Variants in NME7 observed in about 807,000 individuals in gnomAD.
The protein encoded by NME7 is nucleoside diphosphate kinase 7.
In NME7, 41 loss-of-function variants were observed where a neutral mutation model predicts 49.1. The ratio of observed to expected loss-of-function variants is 0.83; its 90% CI spans 0.65 to 1.08. NME7 has a LOEUF of 1.08. Ranked by LOEUF, NME7 falls within the 50% of genes least tolerant of loss-of-function variation. The pLI, the probability that NME7 is intolerant of heterozygous loss-of-function variation, is 0.00. For synonymous variants in NME7, 139 were observed against 150.6 expected, an observed-to-expected ratio of 0.92 and a Z score of 0.56; for missense variants, 423 against 463.4, an observed-to-expected ratio of 0.91 and a Z score of 0.80.
chr1:169,279,179 T>A (rs1649889601), intron 7 of NME7, among the ~76,000 whole-genome samples: 1 of 152,172 alleles, frequency 6.6e-6, no homozygotes, highest in African/African-American at 2.4e-5. Flanking sequence ...TTCTCAGATC[T>A]CCCCCTGGGT....
At chr1:169,224,426 C>T (rs1046471314) in intron 10 of NME7, among the ~76,000 whole-genome samples, 6 of 152,132 alleles carry the variant, frequency 3.9e-5, no homozygotes, top group East Asian at 3.8e-4. Context: ...CCTCATCTTA[C>T]GCTAAGCTGT....
chr1:169,160,569 A>G (rs1659215348), intron 11 of NME7, among the ~76,000 whole-genome samples: 1 of 152,136 alleles, frequency 6.6e-6, no homozygotes, highest in Non-Finnish European at 1.5e-5. Flanking sequence ...CAAATACATT[A>G]ATATTTTTAC....
intron 7 of NME7, among the ~76,000 whole-genome samples, chr1:169,254,827 T>C: frequency 7.6e-6 from 1 of 131,652 alleles, no homozygotes; most frequent in Non-Finnish European, 1.7e-5. Context: ...ATGTACCCAG[T>C]AGTCATTCAG....
intron 7 of NME7, among the ~76,000 whole-genome samples, chr1:169,263,479 C>A (rs1649225789): frequency 7.5e-6 from 1 of 133,196 alleles, no homozygotes; most frequent in Non-Finnish European, 1.8e-5. Context: ...ATATTAACAG[C>A]AGAATAGAAC....
chr1:169,294,263 G>A (rs532329066), intron 6 of NME7, among the ~76,000 whole-genome samples: 3 of 152,180 alleles, frequency 2.0e-5, no homozygotes, highest in African/African-American at 7.2e-5. Flanking sequence ...ACCAAGAAAA[G>A]AAGCCTGCAC....
chr1:169,153,693 A>G (rs905105341), intron 11 of NME7, among the ~76,000 whole-genome samples: 1 of 151,284 alleles, frequency 6.6e-6, no homozygotes, highest in South Asian at 2.1e-4. Context: ...TTCCATCTAA[A>G]CCCTCTACTT....
At chr1:169,297,594 A>T (rs1480825456) in intron 6 of NME7, among the ~76,000 whole-genome samples, 6 of 152,162 alleles carry the variant, frequency 3.9e-5, no homozygotes, top group Admixed American at 3.9e-4. Flanking sequence ...ATAGAGATTG[A>T]TCAAAGATAC....
At chr1:169,140,017 C>T (rs1225188144) in intron 11 of NME7, among the ~76,000 whole-genome samples, 1 of 152,172 alleles carries the variant, frequency 6.6e-6, no homozygotes, top group Non-Finnish European at 1.5e-5. Context: ...TTCGCAATCA[C>T]TTTCTGTGGT....
chr1:169,259,563 T>C (rs1649097452), intron 7 of NME7, among the ~76,000 whole-genome samples: 1 of 134,102 alleles, frequency 7.5e-6, no homozygotes, highest in African/African-American at 2.5e-5. Context: ...TCTGTATTTC[T>C]AAATTTTTCT....
At position 169,324,774 on chromosome 1, in the gene NME7, G is replaced by A. The variant is rs3213585; in HGVS notation, c.4-274C>T. Among the ~76,000 whole-genome samples, 6 of 152,224 alleles carry A rather than the reference G, an allele frequency of 3.9e-5. No homozygotes were observed. The East Asian group carries it at 7.7e-4, about 20-fold the overall frequency. On this transcript the variant is annotated intron_variant, in intron 1 of 11. Coordinates refer to ENST00000367811, the MANE Select transcript of NME7 (RefSeq NM_013330.5). ...ATCTAATCATCCTGAGTAAATTAAC[G>A]TTTTCTGAGAACATGAGCTCCTGAT... is the stretch of plus-strand genomic sequence containing the variant.
At chr1:169,297,620 T>G (rs1234588286) in intron 6 of NME7, among the ~76,000 whole-genome samples, 1 of 152,164 alleles carries the variant, frequency 6.6e-6, no homozygotes, top group Non-Finnish European at 1.5e-5. Flanking sequence ...GAGATAGATA[T>G]GGGCCAGACT....
intron 7 of NME7, chr1:169,285,229 T>C (rs1000964506): frequency 1.3e-5 from 2 of 152,086 alleles, no homozygotes; most frequent in Admixed American, 6.6e-5. Context: ...AAACCAGTGG[T>C]TGAAAATGCT....
At chr1:169,277,787 G>T (rs1649803596) in intron 7 of NME7, among the ~76,000 whole-genome samples, 1 of 128,274 alleles carries the variant, frequency 7.8e-6, no homozygotes. Context: ...AGTCTTGATG[G>T]TCTTTACATT....
intron 10 of NME7, among the ~76,000 whole-genome samples, chr1:169,185,817 T>C (rs1331760939): frequency 4.6e-5 from 7 of 152,148 alleles, no homozygotes; most frequent in Admixed American, 4.6e-4. Context: ...AATATTTACT[T>C]AGCATGCAAA....
chr1:169,159,533 T>A (rs1659181781), intron 11 of NME7, among the ~76,000 whole-genome samples: 1 of 152,232 alleles, frequency 6.6e-6, no homozygotes, highest in African/African-American at 2.4e-5. Context: ...CCTGCTATTC[T>A]CACATGGCTC....
intron 7 of NME7, among the ~76,000 whole-genome samples, chr1:169,279,742 C>T (rs570180660): frequency 7.9e-5 from 12 of 152,362 alleles, no homozygotes; most frequent in African/African-American, 2.9e-4. Context: ...GAACCCGGTA[C>T]CTCAGATGGA....
At chr1:169,285,679 A>G (rs1424932597) in intron 7 of NME7, 1 of 152,166 alleles carries the variant, frequency 6.6e-6, no homozygotes, top group Non-Finnish European at 1.5e-5. Flanking sequence ...CCTACTTGAC[A>G]TACTTGCTGT....
intron 11 of NME7, among the ~76,000 whole-genome samples, chr1:169,145,716 A>T (rs1262621940): frequency 6.6e-6 from 1 of 152,216 alleles, no homozygotes; most frequent in Non-Finnish European, 1.5e-5. Flanking sequence ...TGTGCTTACA[A>T]CAAAGATGGA....
intron 1 of NME7, among the ~76,000 whole-genome samples, chr1:169,331,127 G>A (rs1159147523): frequency 2.0e-5 from 3 of 152,048 alleles, no homozygotes; most frequent in African/African-American, 7.2e-5. Context: ...TGACCGAGTG[G>A]GATATATCCC....
Sources: allele counts gnomAD v4.1 joint callset (sites outside exome capture counted in the v4.1 genomes callset), GRCh38; gene constraint gnomAD v4.1.1; transcripts MANE v1.5; gene names NCBI Gene and HGNC (gene_info 2026-07-23, HGNC 2026-07-21).